STAB1: variants seen among roughly 807,000 people sequenced by gnomAD.
STAB1 encodes the protein stabilin-1.
In STAB1, 250 loss-of-function variants were observed where a neutral mutation model predicts 332.4. The observed-to-expected ratio is 0.75, with a 90% CI of 0.68 to 0.84. The LOEUF (loss-of-function observed/expected upper bound fraction) is 0.84, where lower values mean the gene tolerates loss of function less well. Among genes scored for constraint, STAB1 ranks in the 40% least tolerant of loss-of-function variants. The probability of loss-of-function intolerance (pLI) is 0.00; values close to 1 mark genes in which losing one functional copy is unlikely to be tolerated. For synonymous variants in STAB1, 1,475 were observed against 1,390.4 expected, an observed-to-expected ratio of 1.06 and a Z score of -1.35; for missense variants, 3,249 against 3,489.7, an observed-to-expected ratio of 0.93 and a Z score of 1.74.
In STAB1 at chr3:52,516,408, C is replaced by G; in HGVS notation, c.4197C>G (p.Ser1399Arg). 3.1e-6 allele frequency: 5 copies of G among 1,611,174 alleles called. No individual in the cohort carries two copies. Among genetic ancestry groups the G allele is most frequent in the Non-Finnish European group, 4.2e-6 (5 of 1,178,150 alleles). Residue 1399 changes from serine to arginine, a missense_variant, in exon 39 of 69, where the codon AGC (serine) becomes AGG (arginine). Ser to Arg is a moderately radical substitution (Grantham distance 110). Transcript: ENST00000321725. ...AGGAGGGGCTGCAAGGGGACGGAAG[C>G]TGTGTCTGTAACGTGGGCTGGCAGG... is the stretch of plus-strand genomic sequence containing the variant. ...LCQEGLQGDG[S>R]CVCNVGWQGL...
At position 52,516,440 on chromosome 3, in the gene STAB1, G is replaced by A. The variant is rs1246661876; in HGVS notation, c.4229G>A (p.Arg1410His). The A allele has an allele frequency of 7.4e-6, 12 of 1,613,124 alleles. No individual in the cohort carries two copies. Among genetic ancestry groups the A allele is most frequent in the Admixed American group, 1.7e-5 (1 of 59,996 alleles). Residue 1410 changes from arginine (R) to histidine (H), a missense_variant, in exon 39 of 69, where the codon CGC (arginine) becomes CAC (histidine). Transcript: ENST00000321725. The stretch of plus-strand genomic sequence containing the variant: ...TGTAACGTGGGCTGGCAGGGCCTCC[G>A]CTGTGACCAGAGTGAGTGGGTCCCA... ...CVCNVGWQGL[R>H]CDQKITSPQC...
At position 52,515,505 on chromosome 3, in the gene STAB1, A is replaced by C; in HGVS notation, c.3947A>C (p.Gln1316Pro). Reference sequence around the variant, plus strand: ...TCTTACACATGTGCCAAGAAGATCCAGGTTTGCCCTGAAGCCCCCACCCCA... The same window carrying C: ...TCTTACACATGTGCCAAGAAGATCCCGGTTTGCCCTGAAGCCCCCACCCCA... Reference protein sequence around the residue: ...GCSYTCAKKIQVPDCCPGFFG... With the variant: ...GCSYTCAKKIPVPDCCPGFFG... Residue 1316 changes from glutamine to proline, a missense_variant and splice_region_variant, in exon 37 of 69, where the codon CAG (glutamine) becomes CCG (proline). Physicochemically the swap from Gln to Pro is moderately conservative, Grantham distance 76. Coordinates refer to ENST00000321725, the MANE Select transcript of STAB1 (RefSeq NM_015136.3). 6.2e-7 allele frequency: 1 copy of C among 1,613,178 alleles called. No individual in the cohort carries two copies. Among genetic ancestry groups the C allele is most frequent in the South Asian group, 1.1e-5 (1 of 91,080 alleles).
chr3:52,502,026 A>G lies in STAB1; in HGVS notation c.352A>G (p.Thr118Ala), dbSNP rs1302458340. The change falls in exon 4 of 69, where the codon ACC becomes GCC. Residue 118 changes from threonine (T) to alanine (A), a missense_variant. Thr to Ala is a moderately conservative substitution (Grantham distance 58). Coordinates refer to ENST00000321725, the MANE Select transcript of STAB1 (RefSeq NM_015136.3). ...CACAGAATGCCCTGGGGGCGCTGAG[A>G]CCCCATGCAATGGCCACGGGACCTG... ...RCHECPGGAETPCNGHGTCLD... is the reference protein window; with the variant it reads ...RCHECPGGAEAPCNGHGTCLD... 1.2e-6 allele frequency: 2 copies of G among 1,612,734 alleles called. No homozygotes were observed. Among genetic ancestry groups the G allele is most frequent in the African/African-American group, 2.7e-5 (2 of 74,846 alleles).
intron 1 of STAB1, among the ~76,000 whole-genome samples, chr3:52,499,412 C>T (rs1708270704): frequency 6.6e-6 from 1 of 152,242 alleles, no homozygotes; most frequent in South Asian, 2.1e-4. Flanking sequence ...CTCCTCACAT[C>T]TTCCACGCCC....
At position 52,514,689 on chromosome 3, in the gene STAB1, C is replaced by T; in HGVS notation, c.3679-12C>T. ...GTAGGTGGGTGGATTCAGCCTCCAT[C>T]CCTCTCCCCAGCCTGAGGTGAACCA... is the stretch of plus-strand genomic sequence containing the variant. On this transcript the variant is annotated splice_polypyrimidine_tract_variant and intron_variant, in intron 34 of 68. Transcript: ENST00000321725. 1.2e-6 allele frequency: 2 copies of T among 1,612,998 alleles called. No individual in the cohort carries two copies. The highest frequency in any genetic ancestry group is 8.5e-7 in the Non-Finnish European group (1 of 1,179,930).
rs1466220283 is a variant in STAB1 at position 52,520,445 on chromosome 3, CA to C, written c.5546del (p.His1849ProfsTer35). 6.2e-7 allele frequency: 1 copy of C among 1,612,708 alleles called. No individual in the cohort carries two copies. Among genetic ancestry groups the C allele is most frequent in the East Asian group, 2.2e-5 (1 of 44,890 alleles). On this transcript the variant is annotated frameshift_variant, in exon 53 of 69. Coordinates refer to ENST00000321725, the MANE Select transcript of STAB1 (RefSeq NM_015136.3). LOFTEE classifies it high-confidence loss of function. Reference protein sequence around the residue: ...GEDDARIVQRHLPFEGGLAYG... With the variant: ...GEDDARIVQRXLPFEGGLAYG... ...GGATGATGCTCGCATTGTGCAGCGG[CA>C]CTTGCCCTTTGAGGGTGGCCTGGCC...
At chr3:52,508,229 G>A (rs769574719) in intron 20 of STAB1, 44 bp from the exon 21 acceptor site, 2 of 1,566,730 alleles carry the variant, frequency 1.3e-6, no homozygotes, top group Non-Finnish European at 1.7e-6. Flanking sequence ...GGCAGGGAGG[G>A]CATGGACCCA....
rs773667347 is a variant in STAB1 at position 52,510,032 on chromosome 3, G to A, written c.2510G>A (p.Cys837Tyr). 2.5e-6 allele frequency: 4 copies of A among 1,608,680 alleles called. No homozygotes were observed. In the East Asian group the frequency reaches 8.9e-5, roughly 36 times the overall value. ...LAQHCHLHARCVSQEGVARCR... is the reference protein window; with the variant it reads ...LAQHCHLHARYVSQEGVARCR... The stretch of plus-strand genomic sequence containing the variant: ...CAGCACTGCCACCTGCATGCCCGCT[G>A]TGTTAGCCAGGAGGGTGTTGCCAGG... The change falls in exon 23 of 69, where the codon TGT becomes TAT. Residue 837 changes from cysteine (C) to tyrosine (Y), a missense_variant. By Grantham distance (194) the Cys-to-Tyr change is radical. Transcript: ENST00000321725.
chr3:52,502,782 A>C, intron 6 of STAB1, 55 bp downstream of exon 6: 9 of 1,565,128 alleles, frequency 5.8e-6, no homozygotes, highest in Non-Finnish European at 7.9e-6. Flanking sequence ...GCCAGAGCAA[A>C]AGAGGCCGAC....
rs532727488 is a variant in STAB1 at position 52,517,919 on chromosome 3, C to T, written c.4677C>T (p.Ser1559=). Residue 1559 remains serine, a synonymous_variant, in exon 45 of 69, where the codon AGC becomes AGT. Coordinates refer to ENST00000321725, the MANE Select transcript of STAB1 (RefSeq NM_015136.3). ...GGCSPYATCK[S]TGDGQRTCTC... ...GCAGCCCATATGCCACCTGCAAAAG[C>T]ACAGGGGATGGCCAGAGGACATGTA... 6.2e-7 allele frequency: 1 copy of T among 1,611,774 alleles called. No homozygotes were observed. Among genetic ancestry groups the T allele is most frequent in the Non-Finnish European group, 8.5e-7 (1 of 1,179,658 alleles).
intron 21 of STAB1, chr3:52,508,593 G>A (rs747772866): frequency 3.0e-5 from 15 of 505,142 alleles, no homozygotes; most frequent in East Asian, 8.7e-5. Context: ...ACGCTGAGGC[G>A]GGCAGATCAC....
Position 52,506,682 on chromosome 3 carries a change from T to A in STAB1, c.1831-10T>A. 1.9e-6 allele frequency: 3 copies of A among 1,603,638 alleles called. No homozygotes were observed. Among genetic ancestry groups the A allele is most frequent in the Non-Finnish European group, 2.6e-6 (3 of 1,175,510 alleles). ...AGGCTGGGGGTTGGCTCAGTGGGTC[T>A]CTGCCGCAGGGGCGCATCCTGCTGG... On this transcript the variant is annotated splice_polypyrimidine_tract_variant and intron_variant, in intron 17 of 68. Coordinates refer to ENST00000321725, the MANE Select transcript of STAB1 (RefSeq NM_015136.3).
intron 11 of STAB1, 45 bp downstream of exon 11, chr3:52,504,594 C>A (rs780452613): frequency 1.1e-5 from 17 of 1,612,800 alleles, no homozygotes; most frequent in Non-Finnish European, 1.4e-5. Context: ...CCCTCACCTC[C>A]TCCCCTGGAT....
rs779687756 is a variant in STAB1, at chr3:52,512,852, G to A, written c.3052G>A (p.Asp1018Asn). ...LKSAGITLPA[D>N]RRVTALVPSE... ...GAGTGCCGGCATCACGCTTCCTGCC[G>A]ACCGCCGAGTCACAGCCCTGGTGCC... The change falls in exon 29 of 69, where the codon GAC becomes AAC. Residue 1018 changes from aspartate to asparagine, a missense_variant. Asp to Asn is a conservative substitution (Grantham distance 23). Coordinates refer to ENST00000321725, the MANE Select transcript of STAB1 (RefSeq NM_015136.3). The A allele has an allele frequency of 3.7e-5, 60 of 1,609,904 alleles. No individual in the cohort carries two copies. The highest frequency in any genetic ancestry group is 8.9e-5 in the East Asian group (4 of 44,882).
rs1184927899 is a variant in STAB1 at position 52,514,432 on chromosome 3, G to A, written c.3614G>A (p.Gly1205Asp). ...EALSMETLRKGGHRNSLLGPA... is the reference protein window; with the variant it reads ...EALSMETLRKDGHRNSLLGPA... ...CTCTCCATGGAAACCCTGCGGAAGG[G>A]TGGACACCGCAACTCCCTCCTGGGC... is the stretch of plus-strand genomic sequence containing the variant. Residue 1205 changes from glycine (G) to aspartate (D), a missense_variant, in exon 34 of 69, where the codon GGT (glycine) becomes GAT (aspartate). Physicochemically the swap from Gly to Asp is moderately conservative, Grantham distance 94. Transcript: ENST00000321725. 1.9e-6 allele frequency: 3 copies of A among 1,557,256 alleles called. No homozygotes were observed. Among genetic ancestry groups the A allele is most frequent in the Non-Finnish European group, 1.7e-6 (2 of 1,151,094 alleles).
At chr3:52,522,522 G>A (rs377054209) in intron 60 of STAB1, 33 bp from the exon 61 acceptor site, 14 of 1,612,870 alleles carry the variant, frequency 8.7e-6, no homozygotes, top group African/African-American at 5.3e-5. Flanking sequence ...CCTCAGAGCC[G>A]GCCAGCTGAC....
intron 1 of STAB1, 53 bp downstream of exon 1, chr3:52,495,544 C>T (rs1344532057): frequency 4.8e-5 from 61 of 1,267,010 alleles, no homozygotes; most frequent in South Asian, 1.7e-4. Flanking sequence ...TGCCGGCCAG[C>T]GGTGGGAACA....
At position 52,520,705 on chromosome 3, in the gene STAB1, G is replaced by A; in HGVS notation, c.5706+7G>A. On this transcript the variant is annotated splice_region_variant and intron_variant, in intron 54 of 68. Coordinates refer to ENST00000321725, the MANE Select transcript of STAB1 (RefSeq NM_015136.3). The stretch of plus-strand genomic sequence containing the variant: ...TGAGGGGTCACAGGAGCAGGTACAG[G>A]GCTAGGGGCTGAGTGGGGGTGGTGG... 1.2e-6 allele frequency: 2 copies of A among 1,612,484 alleles called. No individual in the cohort carries two copies. The highest frequency in any genetic ancestry group is 1.7e-6 in the Non-Finnish European group (2 of 1,179,860).
chr3:52,518,601 C>CAA lies in STAB1; in HGVS notation c.4876_4877dup (p.Asn1626LysfsTer66). 6.2e-7 allele frequency: 1 copy of CAA among 1,605,524 alleles called. No individual in the cohort carries two copies. The highest frequency in any genetic ancestry group is 8.5e-7 in the Non-Finnish European group (1 of 1,176,468). ...TCGTGCCGCACGCAGATCTAATGAGCAACCTGTCGCAGGTATGCAGCCCCC... is the reference window on the plus strand; with the variant it reads ...TCGTGCCGCACGCAGATCTAATGAGCAAAACCTGTCGCAGGTATGCAGCCCCC... On this transcript the variant is annotated frameshift_variant, in exon 47 of 69. Transcript: ENST00000321725. LOFTEE classifies it high-confidence loss of function.
Sources: gnomAD v4.1 joint callset for allele counts (sites outside exome capture counted in the v4.1 genomes callset) on GRCh38, gnomAD v4.1.1 for gene constraint, MANE v1.5 for transcripts, NCBI Gene and HGNC (gene_info 2026-07-23, HGNC 2026-07-21) for gene names.